The following PTHLH variants were observed in gnomAD, a reference collection of about 807,000 sequenced individuals.
The protein encoded by PTHLH is parathyroid hormone like hormone, also known as parathyroid hormone-related protein.
A neutral mutation model predicts 18.6 loss-of-function variants in PTHLH; 5 were observed. That is an observed-to-expected ratio of 0.27 (90% confidence interval 0.14 to 0.56). The LOEUF is 0.56. Among genes scored for constraint, PTHLH ranks in the 20% least tolerant of loss-of-function variants. The probability of loss-of-function intolerance (pLI) is 0.92; values close to 1 mark genes in which losing one functional copy is unlikely to be tolerated. For synonymous variants in PTHLH, 90 were observed against 94.0 expected (o/e 0.96, Z 0.25); for missense variants, 207 against 223.9 (o/e 0.92, Z 0.48).
At chr12:27,962,999 G>A in intron 5 of PTHLH, 1 of 1,192,194 alleles carries the variant, frequency 8.4e-7, no homozygotes, top group Non-Finnish European at 1.0e-6. Flanking sequence ...TGAGAGTAAG[G>A]GGAAGAAACA....
chr12:27,969,108 C>G, intron 4 of PTHLH: 1 of 431,462 alleles, frequency 2.3e-6, no homozygotes, highest in Non-Finnish European at 4.3e-6. Flanking sequence ...TTCTTTTCCA[C>G]TAGAGGCAGA....
In PTHLH at chr12:27,958,512, A is replaced by C. The variant is rs1200566000; in HGVS notation, c.*47T>G. The C allele has an allele frequency of 6.5e-7, 1 of 1,527,748 alleles. No individual in the cohort carries two copies. The highest frequency in any genetic ancestry group is 8.9e-7 in the Non-Finnish European group (1 of 1,123,164). The allele number at this position is 1,527,748 out of a possible 1,614,324, so 94.6% of individuals were successfully genotyped here. ...TTCTAATACTTTCCATATGTTCACT[A>C]TTACAGAATCCTGCAATATGTCCTT... On this transcript the variant is annotated 3_prime_UTR_variant, in exon 6 of 6. Transcript: ENST00000545234.
chr12:27,969,961 G>A (rs1359538279), intron 3 of PTHLH, 64 bp downstream of exon 3: 1 of 519,222 alleles, frequency 1.9e-6, no homozygotes, highest in Non-Finnish European at 3.8e-6. Context: ...TTGCGAACCA[G>A]GCCCTTTCGT....
chr12:27,969,587 CT>C, intron 3 of PTHLH, 71 bp from the exon 4 acceptor site: 7 of 1,281,972 alleles, frequency 5.5e-6, no homozygotes, highest in South Asian at 1.2e-5. Context: ...TCCGCTCCCC[CT>C]TTTTAGCCCG....
At position 27,963,640 on chromosome 12, in the gene PTHLH, C is replaced by T; in HGVS notation, c.232G>A (p.Val78Met). 1 of 1,614,044 alleles carries T rather than the reference C, an allele frequency of 6.2e-7. No homozygotes were observed. Among genetic ancestry groups the T allele is most frequent in the Non-Finnish European group, 8.5e-7 (1 of 1,180,002 alleles). ...GGAGAGGGCTTGGAGTTAGGGGACACCTCCGAGGTAGCTCTGATTTCAGCT... is the reference window on the plus strand; with the variant it reads ...GGAGAGGGCTTGGAGTTAGGGGACATCTCCGAGGTAGCTCTGATTTCAGCT... ...HTAEIRATSE[V>M]SPNSKPSPNT... The change falls in exon 5 of 6, where the codon GTG (valine) becomes ATG (methionine). Residue 78 changes from valine to methionine, a missense_variant. Transcript: ENST00000545234.
chr12:27,962,055 G>A lies in PTHLH; in HGVS notation c.524+1293C>T, dbSNP rs1034783097. ...ATGGAAATGCATCGATAAAGAAGCA[G>A]GGCAAACATAGCACTGTCTACGTGT... On this transcript the variant is annotated intron_variant, in intron 5 of 5. Transcript: ENST00000545234. The A allele has an allele frequency of 1.8e-5, 11 of 620,872 alleles. No individual in the cohort carries two copies. In the Admixed American group the frequency reaches 2.6e-4, roughly 15 times the overall value. 38.5% of individuals were successfully genotyped at this position (620,872 alleles called of 1,614,324 possible).
chr12:27,971,100 T>C (rs1389704399), intron 2 of PTHLH, among the ~76,000 whole-genome samples: 1 of 151,896 alleles, frequency 6.6e-6, no homozygotes, highest in Non-Finnish European at 1.5e-5. Flanking sequence ...TTTTCACTCA[T>C]GGTCGGGAGT....
In PTHLH at chr12:27,963,398, T is replaced by G. The variant is rs1426718414; in HGVS notation, c.474A>C (p.Glu158Asp). ...LDSGVTGSGL[E>D]GDHLSDTSTT... ...TGGAGGTGTCAGACAGGTGGTCCCC[T>G]TCTAGCCCACTCCCAGTCACTCCAG... Residue 158 changes from glutamate (E) to aspartate (D), a missense_variant, in exon 5 of 6, where the codon GAA becomes GAC. By Grantham distance (45) the Glu-to-Asp change is conservative (BLOSUM62 2). Transcript: ENST00000545234. 6.2e-7 allele frequency: 1 copy of G among 1,614,202 alleles called. No individual in the cohort carries two copies. The highest frequency in any genetic ancestry group is 8.5e-7 in the Non-Finnish European group (1 of 1,180,026).
chr12:27,969,587 C>G (rs1452783454), intron 3 of PTHLH, 71 bp from the exon 4 acceptor site: 2 of 1,282,022 alleles, frequency 1.6e-6, no homozygotes, highest in East Asian at 2.4e-5. Context: ...TCCGCTCCCC[C>G]TTTTTAGCCC....
At chr12:27,964,234 TTCTCTCTCTC>T (rs60461766) in intron 4 of PTHLH, among the ~76,000 whole-genome samples, 5 of 144,546 alleles carry the variant, frequency 3.5e-5, no homozygotes, top group Admixed American at 7.0e-5. Context: ...TACCTGAGTA[TTCTCTCTCTC>T]TCTCTCTCTC....
chr12:27,961,487 T>C (rs2062761282), intron 5 of PTHLH, among the ~76,000 whole-genome samples: 2 of 150,048 alleles, frequency 1.3e-5, no homozygotes, highest in South Asian at 4.2e-4. Flanking sequence ...TATGTTTATA[T>C]ATATATGTTT....
chr12:27,968,130 C>T (rs117236472), intron 4 of PTHLH, among the ~76,000 whole-genome samples: 2,491 of 152,290 alleles, frequency 0.016, 30 homozygotes, highest in Middle Eastern at 0.051. Flanking sequence ...AGAAACACAT[C>T]GGTAAAATGT....
Position 27,970,200 on chromosome 12 carries a change from C to T in PTHLH, c.-198G>A, listed in dbSNP as rs546105959. ...CTTCACGGGCGGGGAGACATGCTGG[C>T]CGGGCGGCGCAGGTTGGAGGCGAGT... On this transcript the variant is annotated 5_prime_UTR_variant, in exon 3 of 6. Coordinates refer to ENST00000545234, the MANE Select transcript of PTHLH (RefSeq NM_198965.2). 1,326 of 508,044 alleles carry T rather than the reference C, an allele frequency of 2.6e-3. 16 individuals carry two copies. Among genetic ancestry groups the T allele is most frequent in the African/African-American group, 0.023 (1,216 of 51,800 alleles). 31.5% of individuals were successfully genotyped at this position (508,044 alleles called of 1,614,324 possible). A position where few individuals can be genotyped will look rare whatever the true frequency, so the allele number is the denominator to read the frequency against.
Position 27,963,088 on chromosome 12 carries a change from A to C in PTHLH, c.524+260T>G, listed in dbSNP as rs1358063635. 3 of 1,384,990 alleles carry C rather than the reference A, an allele frequency of 2.2e-6. No homozygotes were observed. In the African/African-American group the frequency reaches 4.4e-5, roughly 20 times the overall value. The allele number at this position is 1,384,990 out of a possible 1,614,324, so 85.8% of individuals were successfully genotyped here. A position where few individuals can be genotyped will look rare whatever the true frequency, so the allele number is the denominator to read the frequency against. On this transcript the variant is annotated intron_variant, in intron 5 of 5. Transcript: ENST00000545234. ...AAATTATTTGGTAGAGTGGTAAAGG[A>C]TTGATGTTGGGTGACGGTGGAGAAA... is the stretch of plus-strand genomic sequence containing the variant.
At position 27,963,525 on chromosome 12, in the gene PTHLH, T is replaced by C. The variant is rs1352378542; in HGVS notation, c.347A>G (p.Glu116Gly). 9.3e-6 allele frequency: 15 copies of C among 1,614,218 alleles called. No individual in the cohort carries two copies. The highest frequency in any genetic ancestry group is 2.2e-5 in the East Asian group (1 of 44,880). Residue 116 changes from glutamate to glycine, a missense_variant, in exon 5 of 6, where the codon GAG becomes GGG. Glu to Gly is a moderately conservative substitution (Grantham distance 98, BLOSUM62 -2). Transcript: ENST00000545234. ...CTTCCCAGGTGTCTTGAGCGGCTGC[T>C]CTTTGTACGTCTCCACCTTGTTAGT... Reference protein sequence around the residue: ...QETNKVETYKEQPLKTPGKKK... With the variant: ...QETNKVETYKGQPLKTPGKKK...
chr12:27,969,424 C>T lies in PTHLH; in HGVS notation c.71G>A (p.Gly24Glu). 1 of 1,592,520 alleles carries T rather than the reference C, an allele frequency of 6.3e-7. No homozygotes were observed. Among genetic ancestry groups the T allele is most frequent in the Admixed American group, 1.7e-5 (1 of 58,246 alleles). Residue 24 changes from glycine (G) to glutamate (E), a missense_variant, in exon 4 of 6, where the codon GGG (glycine) becomes GAG (glutamate). By Grantham distance (98) the Gly-to-Glu change is moderately conservative (BLOSUM62 -2). Transcript: ENST00000545234. ...GCGGCTGAGACCCTCCACCGAGCGCCCGCAGGAGGGCACCGCGTAGCTCAG... is the reference window on the plus strand; with the variant it reads ...GCGGCTGAGACCCTCCACCGAGCGCTCGCAGGAGGGCACCGCGTAGCTCAG... Reference protein sequence around the residue: ...FLLSYAVPSCGRSVEGLSRRL... With the variant: ...FLLSYAVPSCERSVEGLSRRL...
At chr12:27,966,471 G>A (rs1396833877) in intron 4 of PTHLH, among the ~76,000 whole-genome samples, 1 of 152,194 alleles carries the variant, frequency 6.6e-6, no homozygotes, top group Admixed American at 6.5e-5. Flanking sequence ...AGAGGATCAG[G>A]AATATAATGG....
At chr12:27,961,408 C>G (rs776296817) in intron 5 of PTHLH, among the ~76,000 whole-genome samples, 1 of 145,752 alleles carries the variant, frequency 6.9e-6, no homozygotes, top group Admixed American at 7.0e-5. Context: ...GTAGAGGATA[C>G]AATCAGAACT....
chr12:27,960,997 G>A (rs981980927), intron 5 of PTHLH, among the ~76,000 whole-genome samples: 6 of 151,826 alleles, frequency 4.0e-5, no homozygotes, highest in African/African-American at 1.5e-4. Flanking sequence ...TGTTGGGAGA[G>A]TGCCAACATT....
Sources: gnomAD v4.1 joint callset for allele counts (sites outside exome capture counted in the v4.1 genomes callset) on GRCh38, gnomAD v4.1.1 for gene constraint, MANE v1.5 for transcripts, NCBI Gene and HGNC (gene_info 2026-07-23, HGNC 2026-07-21) for gene names.